The following CFAP61 variants were observed in gnomAD, a reference collection of about 807,000 sequenced individuals.
The protein encoded by CFAP61 is cilia and flagella associated protein 61.
A neutral mutation model predicts 135.6 loss-of-function variants in CFAP61; 107 were observed. The observed-to-expected ratio is 0.79, with a 90% CI of 0.67 to 0.93. The LOEUF (loss-of-function observed/expected upper bound fraction) is 0.93, where lower values mean the gene tolerates loss of function less well. Ranked by LOEUF, CFAP61 falls within the 40% of genes least tolerant of loss-of-function variation. The pLI is 0.00. For missense variants in CFAP61, 1,507 were observed against 1,556.2 expected, an observed-to-expected ratio of 0.97 and a Z score of 0.53; for synonymous variants, 575 against 578.5, an observed-to-expected ratio of 0.99 and a Z score of 0.09.
intron 18 of CFAP61, 91 bp downstream of exon 18, chr20:20,228,467 T>G: frequency 8.9e-7 from 1 of 1,121,352 alleles, no homozygotes; most frequent in Non-Finnish European, 1.3e-6. Flanking sequence ...AGAACAGACC[T>G]GAGATTGTTT....
intron 18 of CFAP61, among the ~76,000 whole-genome samples, chr20:20,230,737 G>A (rs549463160): frequency 6.6e-6 from 1 of 152,292 alleles, no homozygotes; most frequent in East Asian, 1.9e-4. Flanking sequence ...TGTATTTTCA[G>A]TAGAGATTGG....
intron 24 of CFAP61, among the ~76,000 whole-genome samples, chr20:20,294,667 G>A (rs1037691546): frequency 5.9e-5 from 9 of 152,116 alleles, no homozygotes; most frequent in African/African-American, 2.2e-4. Context: ...GGTGGCTCAC[G>A]CCTGTAATCC....
intron 2 of CFAP61, among the ~76,000 whole-genome samples, chr20:20,068,391 T>G (rs4547592): frequency 0.51 from 78,275 of 152,018 alleles, 20,458 homozygotes; most frequent in Non-Finnish European, 0.55. Flanking sequence ...AGACGGAAGT[T>G]AAGGGTTCAG....
At chr20:20,350,577 C>T (rs888544072) in intron 26 of CFAP61, among the ~76,000 whole-genome samples, 3 of 151,872 alleles carry the variant, frequency 2.0e-5, no homozygotes, top group East Asian at 1.9e-4. Flanking sequence ...TGCAATGAGC[C>T]GAGATCACAC....
At chr20:20,287,772 G>A (rs1028205214) in intron 22 of CFAP61, among the ~76,000 whole-genome samples, 8 of 152,206 alleles carry the variant, frequency 5.3e-5, no homozygotes, top group African/African-American at 1.9e-4. Context: ...AAAATCAATT[G>A]AGCGTGTTTC....
intron 13 of CFAP61, among the ~76,000 whole-genome samples, chr20:20,171,150 A>G (rs2054191090): frequency 6.6e-6 from 1 of 152,212 alleles, no homozygotes; most frequent in Non-Finnish European, 1.5e-5. Context: ...TGGTGTGGTC[A>G]GTGTAATCCC....
intron 13 of CFAP61, chr20:20,171,654 C>T (rs1388931467): frequency 2.3e-6 from 1 of 437,300 alleles, no homozygotes; most frequent in African/African-American, 2.1e-5. Context: ...TTATTCTTGA[C>T]CATAATTTAT....
intron 2 of CFAP61, among the ~76,000 whole-genome samples, chr20:20,060,939 T>C (rs1462646042): frequency 6.6e-6 from 1 of 152,232 alleles, no homozygotes; most frequent in Non-Finnish European, 1.5e-5. Flanking sequence ...ACACTGAGTC[T>C]TCAGATGGCT....
intron 20 of CFAP61, among the ~76,000 whole-genome samples, chr20:20,256,686 A>G (rs1034023985): frequency 3.3e-5 from 5 of 152,258 alleles, no homozygotes; most frequent in Non-Finnish European, 7.3e-5. Flanking sequence ...GTTCAGGAGA[A>G]AACAGGGTCT....
At chr20:20,212,859 CTG>C (rs910572463) in intron 17 of CFAP61, among the ~76,000 whole-genome samples, 34 of 152,326 alleles carry the variant, frequency 2.2e-4, no homozygotes, top group African/African-American at 7.7e-4. Context: ...GGGCCCAGCT[CTG>C]TGCTCTGTGG....
intron 8 of CFAP61, 51 bp from the exon 9 acceptor site, chr20:20,142,806 G>A (rs1410007633): frequency 1.0e-6 from 1 of 1,001,126 alleles, no homozygotes; most frequent in Non-Finnish European, 1.5e-6. Flanking sequence ...CTGTGATTCT[G>A]CAGATATTTA....
chr20:20,296,320 T>TTCCTTCCC (rs1555959208), intron 24 of CFAP61, among the ~76,000 whole-genome samples: 110 of 54,712 alleles, frequency 2.0e-3, no homozygotes, highest in Non-Finnish European at 2.6e-3. Flanking sequence ...CCTTCCCTCC[T>TTCCTTCCC]TCCTTCCCTT....
At chr20:20,233,789 AT>A (rs1351538461) in intron 18 of CFAP61, among the ~76,000 whole-genome samples, 1 of 152,228 alleles carries the variant, frequency 6.6e-6, no homozygotes, top group Non-Finnish European at 1.5e-5. Context: ...TCGTTTCAGT[AT>A]AACTTATCTC....
At chr20:20,312,660 A>G (rs1407273372) in intron 25 of CFAP61, among the ~76,000 whole-genome samples, 2 of 152,140 alleles carry the variant, frequency 1.3e-5, no homozygotes, top group Non-Finnish European at 2.9e-5. Context: ...TAATCAAACT[A>G]CTCAAAACCC....
chr20:20,165,939 G>A (rs994614503), intron 11 of CFAP61, among the ~76,000 whole-genome samples: 1 of 152,158 alleles, frequency 6.6e-6, no homozygotes, highest in Non-Finnish European at 1.5e-5. Context: ...ATTTAAATAT[G>A]ATTGTGCTTA....
At chr20:20,067,209 ATG>A (rs1335344877) in intron 2 of CFAP61, among the ~76,000 whole-genome samples, 1 of 151,450 alleles carries the variant, frequency 6.6e-6, no homozygotes, top group African/African-American at 2.4e-5. Flanking sequence ...ATACGTGTGT[ATG>A]TGTGTGTGTG....
chr20:20,246,898 A>C (rs2050496028), intron 19 of CFAP61, among the ~76,000 whole-genome samples: 1 of 152,188 alleles, frequency 6.6e-6, no homozygotes. Flanking sequence ...AAAAAGACTC[A>C]TTTTGCCTTC....
intron 19 of CFAP61, among the ~76,000 whole-genome samples, chr20:20,249,035 G>A (rs780595434): frequency 6.6e-6 from 1 of 152,130 alleles, no homozygotes; most frequent in Non-Finnish European, 1.5e-5. Context: ...CTCTGTTTTC[G>A]GATGAAGCCT....
In CFAP61 at chr20:20,108,352, A is replaced by G. The variant is rs188895572; in HGVS notation, c.859+9538A>G. Among the ~76,000 whole-genome samples the G allele has an allele frequency of 2.1e-3, 327 of 152,340 alleles. 1 individual carries two copies. Among genetic ancestry groups the G allele is most frequent in the Middle Eastern group, 0.014 (4 of 294 alleles). On this transcript the variant is annotated intron_variant, in intron 8 of 26. Coordinates refer to ENST00000245957, the MANE Select transcript of CFAP61 (RefSeq NM_015585.4). ...TGCAAGAATTTCACTAAGCTTAATC[A>G]TAATACTAAAAATGAACAAACAAAA...
Sources: gnomAD v4.1 joint callset for allele counts (sites outside exome capture counted in the v4.1 genomes callset) on GRCh38, gnomAD v4.1.1 for gene constraint, MANE v1.5 for transcripts, NCBI Gene and HGNC (gene_info 2026-07-23, HGNC 2026-07-21) for gene names.